The following TNNI3K variants were observed in gnomAD, a reference collection of about 807,000 sequenced individuals.
The protein encoded by TNNI3K is TNNI3 interacting kinase.
A neutral mutation model predicts 114.5 loss-of-function variants in TNNI3K; 140 were observed. The observed-to-expected ratio is 1.22, with a 90% confidence interval of 1.07 to 1.41. The LOEUF (loss-of-function observed/expected upper bound fraction) is 1.41. Ranked by LOEUF, TNNI3K falls within the 40% of genes most tolerant of loss-of-function variation. TNNI3K has a pLI of 0.00. For missense variants in TNNI3K, 1,125 were observed against 1,007.6 expected (o/e 1.12, Z -1.58); for synonymous variants, 347 against 347.5 (o/e 1.00, Z 0.02).
chr1:74,316,525 T>C (rs1659311799), intron 5 of TNNI3K, among the ~76,000 whole-genome samples: 1 of 152,148 alleles, frequency 6.6e-6, no homozygotes, highest in South Asian at 2.1e-4. Context: ...TGCTTTTCTC[T>C]ACCCGGACTT....
chr1:74,365,279 G>A (rs376855901), intron 11 of TNNI3K, among the ~76,000 whole-genome samples: 9 of 151,426 alleles, frequency 5.9e-5, no homozygotes, highest in African/African-American at 1.9e-4. Context: ...AATGCTTCAG[G>A]GGCTCCCCAT....
chr1:74,476,090 A>G, intron 21 of TNNI3K, among the ~76,000 whole-genome samples: 1 of 152,150 alleles, frequency 6.6e-6, no homozygotes, highest in Middle Eastern at 3.2e-3. Flanking sequence ...ACTGAAACTC[A>G]TTTAAGATAA....
At chr1:74,393,105 G>A (rs74093519) in intron 17 of TNNI3K, among the ~76,000 whole-genome samples, 8,119 of 152,200 alleles carry the variant, frequency 0.053, 646 homozygotes, top group African/African-American at 0.17. Context: ...GAGGAGTGAA[G>A]GTATAGGTGA....
chr1:74,446,991 T>G (rs572154558), intron 20 of TNNI3K, among the ~76,000 whole-genome samples: 1 of 99,224 alleles, frequency 1.0e-5, no homozygotes, highest in East Asian at 3.2e-4. Flanking sequence ...TCCAGCTTTG[T>G]TCTTTTGGCT....
chr1:74,337,487 G>A (rs949674306), intron 7 of TNNI3K, among the ~76,000 whole-genome samples: 4 of 151,926 alleles, frequency 2.6e-5, no homozygotes, highest in African/African-American at 9.7e-5. Context: ...GTTATTAGGA[G>A]CTCCAGTGAA....
At chr1:74,326,952 A>C (rs1659939593) in intron 5 of TNNI3K, among the ~76,000 whole-genome samples, 1 of 151,970 alleles carries the variant, frequency 6.6e-6, no homozygotes. Context: ...GTGGTGGTGC[A>C]CAACTGTAGT....
At chr1:74,421,527 G>T (rs1407574664) in intron 17 of TNNI3K, among the ~76,000 whole-genome samples, 1 of 152,106 alleles carries the variant, frequency 6.6e-6, no homozygotes, top group Non-Finnish European at 1.5e-5. Context: ...TATTGGTAGA[G>T]CTGTGGTAAA....
chr1:74,353,600 C>G (rs1195124696), intron 10 of TNNI3K, among the ~76,000 whole-genome samples: 2 of 149,790 alleles, frequency 1.3e-5, no homozygotes, highest in Non-Finnish European at 2.9e-5. Flanking sequence ...ATGGCCAGCA[C>G]TAGGGACAGA....
In TNNI3K at chr1:74,252,575, G is replaced by A. The variant is rs1474312681; in HGVS notation, c.333+1806G>A. 4.6e-5 allele frequency among the ~76,000 whole-genome samples: 7 copies of A among 152,194 alleles called. No homozygotes were observed. In the South Asian group the frequency reaches 1.0e-3, roughly 23 times the overall value. ...GGTGAGTATTACAGTTCTTAAAGGC[G>A]GCATGTCCAGAGTTTGTTCCTTCTG... is the stretch of plus-strand genomic sequence containing the variant. On this transcript the variant is annotated intron_variant, in intron 4 of 24. Transcript: ENST00000326637.
intron 5 of TNNI3K, among the ~76,000 whole-genome samples, chr1:74,296,743 T>A (rs1247111629): frequency 1.3e-5 from 2 of 152,184 alleles, no homozygotes; most frequent in African/African-American, 4.8e-5. Context: ...TGGTTTTGTT[T>A]TCATACTTTA....
chr1:74,475,904 C>A, intron 21 of TNNI3K: 1 of 498,098 alleles, frequency 2.0e-6, no homozygotes, highest in Non-Finnish European at 3.6e-6. Context: ...AGGTTAATGG[C>A]TTGAAAGATA....
chr1:74,476,335 T>C (rs1668204413), intron 21 of TNNI3K, among the ~76,000 whole-genome samples: 1 of 152,132 alleles, frequency 6.6e-6, no homozygotes, highest in Non-Finnish European at 1.5e-5. Flanking sequence ...CTCAACCACC[T>C]AAATGTTCAA....
At chr1:74,368,080 C>A in intron 13 of TNNI3K, 116 bp downstream of exon 13, 1 of 997,894 alleles carries the variant, frequency 1.0e-6, no homozygotes, top group Non-Finnish European at 1.4e-6. Flanking sequence ...ACAAGCACAA[C>A]AAATATTATT....
chr1:74,303,466 G>T (rs1360695306), intron 5 of TNNI3K, among the ~76,000 whole-genome samples: 1 of 152,000 alleles, frequency 6.6e-6, no homozygotes, highest in Non-Finnish European at 1.5e-5. Flanking sequence ...TGCTCAGCCG[G>T]TATACTGAAT....
intron 5 of TNNI3K, among the ~76,000 whole-genome samples, chr1:74,311,206 A>G (rs1226872935): frequency 3.3e-5 from 5 of 152,164 alleles, no homozygotes; most frequent in East Asian, 1.9e-4. Flanking sequence ...ATATTTGAAA[A>G]CATAACTTTT....
rs528613740 is a variant in TNNI3K at position 74,408,463 on chromosome 1, A to G, written c.1773-27617A>G. On this transcript the variant is annotated intron_variant, in intron 17 of 24. Coordinates refer to ENST00000326637, the MANE Select transcript of TNNI3K (RefSeq NM_015978.3). ...TCCAAAATAACTTCCACATTGCCCAATGTATAACAGATAGCTAAACAATGT... is the reference window on the plus strand; with the variant it reads ...TCCAAAATAACTTCCACATTGCCCAGTGTATAACAGATAGCTAAACAATGT... 6.6e-5 allele frequency among the ~76,000 whole-genome samples: 10 copies of G among 152,328 alleles called. No individual in the cohort carries two copies. In the East Asian group the frequency reaches 1.5e-3, roughly 24 times the overall value.
At chr1:74,439,215 C>A (rs988367536) in intron 19 of TNNI3K, 2 of 293,270 alleles carry the variant, frequency 6.8e-6, no homozygotes, top group Non-Finnish European at 1.2e-5. Context: ...TGATTAATTA[C>A]TTGTGTGATG....
intron 5 of TNNI3K, among the ~76,000 whole-genome samples, 191 bp downstream of exon 5, chr1:74,271,899 G>A (rs1656376468): frequency 6.6e-6 from 1 of 151,902 alleles, no homozygotes; most frequent in African/African-American, 2.4e-5. Context: ...TTCTAACAGT[G>A]TATTTAATCA....
chr1:74,459,353 A>G (rs929163294), intron 20 of TNNI3K, among the ~76,000 whole-genome samples: 1 of 152,198 alleles, frequency 6.6e-6, no homozygotes, highest in African/African-American at 2.4e-5. Context: ...GCAGACAAAT[A>G]AAGAGGCAAT....
Sources: gnomAD v4.1 joint callset for allele counts (sites outside exome capture counted in the v4.1 genomes callset) on GRCh38, gnomAD v4.1.1 for gene constraint, MANE v1.5 for transcripts, NCBI Gene and HGNC (gene_info 2026-07-23, HGNC 2026-07-21) for gene names.